The following PCDHGA6 variants were observed in gnomAD, a reference collection of about 807,000 sequenced individuals.
The protein encoded by PCDHGA6 is protocadherin gamma-A6.
Under a neutral mutation model 60.6 loss-of-function variants are expected in PCDHGA6, and 41 were observed. The ratio of observed to expected loss-of-function variants is 0.68; its 90% confidence interval spans 0.53 to 0.88. The LOEUF (loss-of-function observed/expected upper bound fraction) is 0.88, where lower values mean the gene tolerates loss of function less well. Ranked by LOEUF, PCDHGA6 falls within the 40% of genes least tolerant of loss-of-function variation. The pLI is 0.00. For missense variants in PCDHGA6, 1,312 were observed against 1,203.0 expected, an observed-to-expected ratio of 1.09 and a Z score of -1.34; for synonymous variants, 594 against 524.4, an observed-to-expected ratio of 1.13 and a Z score of -1.81.
intron 1 of PCDHGA6, chr5:141,413,959 G>A: frequency 1.9e-6 from 3 of 1,613,372 alleles, no homozygotes; most frequent in Middle Eastern, 3.3e-4. Context: ...TTTGCCTGTG[G>A]GCACTCAGCT....
At chr5:141,382,762 C>T in intron 1 of PCDHGA6, 1 of 690,986 alleles carries the variant, frequency 1.4e-6, no homozygotes, top group Non-Finnish European at 2.4e-6. Context: ...AAGCCCTCTT[C>T]CAGGCTGCAC....
chr5:141,432,935 C>T lies in PCDHGA6; in HGVS notation c.2424+56428C>T. The T allele has an allele frequency of 4.3e-6, 7 of 1,614,218 alleles. No homozygotes were observed. The highest frequency in any genetic ancestry group is 5.1e-6 in the Non-Finnish European group (6 of 1,180,046). On this transcript the variant is annotated intron_variant, in intron 1 of 3. Transcript: ENST00000517434. This position sits in a 1 kb window ranked among gnomAD's most constrained non-coding sequence, Gnocchi z 6.0. The stretch of plus-strand genomic sequence containing the variant: ...GCGCTGGCACAAGTCACGCCTGCTG[C>T]AGGCTTCAGGAGGCGGCTTGACAGG...
chr5:141,449,930 A>G (rs1353778264), intron 1 of PCDHGA6, among the ~76,000 whole-genome samples: 1 of 151,614 alleles, frequency 6.6e-6, no homozygotes, highest in East Asian at 1.9e-4. Context: ...ACCATACCTT[A>G]TAGTATATTT....
At chr5:141,427,838 C>T (rs978867590) in intron 1 of PCDHGA6, 4 of 1,546,186 alleles carry the variant, frequency 2.6e-6, no homozygotes, top group Non-Finnish European at 1.8e-6. Flanking sequence ...AGCGTGCCTT[C>T]GACCACGAGC....
chr5:141,490,544 A>G lies in PCDHGA6; in HGVS notation c.2425-4263A>G. 6.2e-7 allele frequency: 1 copy of G among 1,614,120 alleles called. No individual in the cohort carries two copies. Among genetic ancestry groups the G allele is most frequent in the Non-Finnish European group, 8.5e-7 (1 of 1,180,028 alleles). ...AGCGATGCTGGTTCACCTTCCCTAC[A>G]CAAACATCTCACCATCAGGCTCAAC... On this transcript the variant is annotated intron_variant, in intron 1 of 3. Transcript: ENST00000517434. This position sits in a 1 kb window ranked among gnomAD's most constrained non-coding sequence, Gnocchi z 5.4.
In PCDHGA6 at chr5:141,490,296, G is replaced by T; in HGVS notation, c.2425-4511G>T. The stretch of plus-strand genomic sequence containing the variant: ...ATGACAATGCCCCAGAGGTGCTATT[G>T]GCCTCTTTGGCCAACCCTGTCCTAG... On this transcript the variant is annotated intron_variant, in intron 1 of 3. Coordinates refer to ENST00000517434, the MANE Select transcript of PCDHGA6 (RefSeq NM_018919.3). This position sits in a 1 kb window ranked among gnomAD's most constrained non-coding sequence, Gnocchi z 5.4. 6.2e-7 allele frequency: 1 copy of T among 1,614,184 alleles called. No homozygotes were observed. Among genetic ancestry groups the T allele is most frequent in the South Asian group, 1.1e-5 (1 of 91,084 alleles).
chr5:141,398,067 C>T, intron 1 of PCDHGA6: 1 of 1,577,626 alleles, frequency 6.3e-7, no homozygotes, highest in Non-Finnish European at 8.6e-7. Flanking sequence ...ATCTACAATA[C>T]AGAGGTTATT....
At chr5:141,403,074 A>G (rs777613681) in intron 1 of PCDHGA6, 9 of 1,614,088 alleles carry the variant, frequency 5.6e-6, no homozygotes, top group Non-Finnish European at 6.8e-6. Flanking sequence ...GAGACAGAAA[A>G]GGGCTATATT....
intron 1 of PCDHGA6, among the ~76,000 whole-genome samples, chr5:141,466,493 A>G (rs2099123402): frequency 6.6e-6 from 1 of 152,226 alleles, no homozygotes; most frequent in South Asian, 2.1e-4. Context: ...TTCTTTAATT[A>G]GAGCACAGAC....
rs765243043 is a variant in PCDHGA6 at position 141,390,219 on chromosome 5, T to C, written c.2424+13712T>C. On this transcript the variant is annotated intron_variant, in intron 1 of 3. Coordinates refer to ENST00000517434, the MANE Select transcript of PCDHGA6 (RefSeq NM_018919.3). ...GTTGAGTTCAGGACAAGACATACTT[T>C]GCGGTGATTCATCTGGGGCCTTATT... 3.1e-6 allele frequency: 5 copies of C among 1,614,066 alleles called. No individual in the cohort carries two copies. In the South Asian group the frequency reaches 5.5e-5, roughly 18 times the overall value.
Position 141,491,509 on chromosome 5 carries a change from C to T in PCDHGA6, c.2425-3298C>T. 6.2e-7 allele frequency: 1 copy of T among 1,614,058 alleles called. No individual in the cohort carries two copies. Among genetic ancestry groups the T allele is most frequent in the Non-Finnish European group, 8.5e-7 (1 of 1,180,022 alleles). On this transcript the variant is annotated intron_variant, in intron 1 of 3. Coordinates refer to ENST00000517434, the MANE Select transcript of PCDHGA6 (RefSeq NM_018919.3). The surrounding 1 kb of genome is among the most constrained non-coding windows in gnomAD (Gnocchi z 6.9). Reference sequence around the variant, plus strand: ...CCTGCAGGTGAGCTCGGACGGCACGCTCAAGTACATGGAGGTGACGCTGCG... The same window carrying T: ...CCTGCAGGTGAGCTCGGACGGCACGTTCAAGTACATGGAGGTGACGCTGCG...
rs70988800 is a variant in PCDHGA6, at chr5:141,379,889, C to CTTTTTTTTTTTTTTTTTTTTTTTTT, written c.2424+3388_2424+3412dup. Among the ~76,000 whole-genome samples, 41 of 50,832 alleles carry CTTTTTTTTTTTTTTTTTTTTTTTTT rather than the reference C, an allele frequency of 8.1e-4. 4 individuals are homozygous for CTTTTTTTTTTTTTTTTTTTTTTTTT. The highest frequency in any genetic ancestry group is 1.7e-3 in the Admixed American group (6 of 3,578). The allele number at this position is 50,832 out of a possible 152,430, so 33.3% of individuals were successfully genotyped here. A position where few individuals can be genotyped will look rare whatever the true frequency, so the allele number is the denominator to read the frequency against. On this transcript the variant is annotated intron_variant, in intron 1 of 3. Coordinates refer to ENST00000517434, the MANE Select transcript of PCDHGA6 (RefSeq NM_018919.3). ...CTTATTTTATGGTCTGTGAAAGCCT[C>CTTTTTTTTTTTTTTTTTTTTTTTTT]TTTTTTTTTTTTTTTTTTTTTTTTT...
intron 1 of PCDHGA6, chr5:141,424,481 G>A (rs1397559058): frequency 6.6e-6 from 1 of 152,056 alleles, no homozygotes; most frequent in Non-Finnish European, 1.5e-5. Flanking sequence ...TTACTTTGGT[G>A]TCTGTGTTTG....
rs141873183 is a variant in PCDHGA6 at position 141,511,011 on chromosome 5, C to T, written c.2637C>T (p.Tyr879=). The T allele has an allele frequency of 1.5e-5, 24 of 1,614,082 alleles. No individual in the cohort carries two copies. Among genetic ancestry groups the T allele is most frequent in the Middle Eastern group, 1.6e-4 (1 of 6,084 alleles). Residue 879 remains tyrosine (Y), a synonymous_variant, in exon 4 of 4, where the codon TAC becomes TAT. Transcript: ENST00000517434. ...GAGTMGLSAR[Y]GPQFTLQHVP... The stretch of plus-strand genomic sequence containing the variant: ...GCACCATGGGATTGAGCGCCCGCTA[C>T]GGACCCCAGTTCACCCTGCAGCACG...
intron 1 of PCDHGA6, chr5:141,475,974 A>G: frequency 1.0e-6 from 1 of 975,714 alleles, no homozygotes; most frequent in Non-Finnish European, 1.5e-6. Flanking sequence ...GCAGAGACTG[A>G]ACAGCCGGCG....
Position 141,431,435 on chromosome 5 carries a change from G to T in PCDHGA6, c.2424+54928G>T. On this transcript the variant is annotated intron_variant, in intron 1 of 3. Coordinates refer to ENST00000517434, the MANE Select transcript of PCDHGA6 (RefSeq NM_018919.3). This position sits in a 1 kb window ranked among gnomAD's most constrained non-coding sequence, Gnocchi z 4.8. The stretch of plus-strand genomic sequence containing the variant: ...GGGCGACCCGGTGCGCACAGGCACC[G>T]CGCGCATCCGCGTGATGGTTCTGGA... The T allele has an allele frequency of 6.2e-7, 1 of 1,613,668 alleles. No individual in the cohort carries two copies. Among genetic ancestry groups the T allele is most frequent in the Non-Finnish European group, 8.5e-7 (1 of 1,180,026 alleles).
Position 141,385,179 on chromosome 5 carries a change from C to T in PCDHGA6, c.2424+8672C>T, listed in dbSNP as rs1270655942. The T allele has an allele frequency of 7.4e-6, 12 of 1,614,194 alleles. No homozygotes were observed. In the South Asian group the frequency reaches 1.2e-4, roughly 16 times the overall value. On this transcript the variant is annotated intron_variant, in intron 1 of 3. Transcript: ENST00000517434. ...CCTATTCCCATGAGGTCTCCCTCAC[C>T]GCGGACTCTCGGAAGAGTCACCTGA...
intron 1 of PCDHGA6, among the ~76,000 whole-genome samples, chr5:141,446,719 G>C (rs899985752): frequency 2.6e-5 from 4 of 152,056 alleles, no homozygotes; most frequent in Admixed American, 1.3e-4. Flanking sequence ...TGCCCGCCTC[G>C]GCCTCCCAAA....
At chr5:141,390,462 A>C in intron 1 of PCDHGA6, 1 of 732,308 alleles carries the variant, frequency 1.4e-6, no homozygotes, top group South Asian at 2.0e-5. Context: ...AAGTAGGAGC[A>C]ATTGTGTGGC....
Sources: allele counts gnomAD v4.1 joint callset (sites outside exome capture counted in the v4.1 genomes callset), GRCh38; gene constraint gnomAD v4.1.1; non-coding constraint Gnocchi (gnomAD v3.1); transcripts MANE v1.5; gene names NCBI Gene and HGNC (gene_info 2026-07-23, HGNC 2026-07-21).